Variants in SCMH1 observed in about 807,000 individuals in gnomAD.
SCMH1 encodes polycomb protein SCMH1.
SCMH1 carries 37 observed loss-of-function variants against 70.8 expected under a neutral mutation model. That is an observed-to-expected ratio of 0.52 (90% CI 0.40 to 0.69). SCMH1 has a LOEUF of 0.69. Ranked by LOEUF, SCMH1 falls within the 30% of genes least tolerant of loss-of-function variation. The pLI, the probability that SCMH1 is intolerant of heterozygous loss-of-function variation, is 0.00. For synonymous variants in SCMH1, 292 were observed against 307.4 expected (o/e 0.95, Z 0.52); for missense variants, 607 against 827.3 (o/e 0.73, Z 3.27).
intron 2 of SCMH1, among the ~76,000 whole-genome samples, chr1:41,181,726 T>C (rs573282858): frequency 5.9e-5 from 9 of 152,162 alleles, no homozygotes; most frequent in East Asian, 1.9e-4. Context: ...TGTGGAGAAA[T>C]AGGAACACTT....
At chr1:41,224,905 G>A (rs1397331021) in intron 1 of SCMH1, among the ~76,000 whole-genome samples, 1 of 152,090 alleles carries the variant, frequency 6.6e-6, no homozygotes, top group Non-Finnish European at 1.5e-5. Context: ...ACTTATAAAG[G>A]TCACACAGCT....
At chr1:41,183,483 T>G (rs1333022224) in intron 2 of SCMH1, among the ~76,000 whole-genome samples, 1 of 152,192 alleles carries the variant, frequency 6.6e-6, no homozygotes, top group African/African-American at 2.4e-5. Context: ...GGGAAATTCC[T>G]ATTTATTCCT....
intron 12 of SCMH1, among the ~76,000 whole-genome samples, chr1:41,038,462 G>C (rs535891501): frequency 6.6e-6 from 1 of 152,278 alleles, no homozygotes; most frequent in Admixed American, 6.5e-5. Context: ...AAGACATCAA[G>C]TGTTTAGGTA....
chr1:41,148,067 T>C (rs1044906173), intron 5 of SCMH1, among the ~76,000 whole-genome samples: 1 of 152,212 alleles, frequency 6.6e-6, no homozygotes, highest in Non-Finnish European at 1.5e-5. Context: ...TTTCCCATTA[T>C]TCTAGTGGTT....
At chr1:41,235,986 C>A (rs1004177320) in intron 1 of SCMH1, among the ~76,000 whole-genome samples, 2 of 152,086 alleles carry the variant, frequency 1.3e-5, no homozygotes, top group African/African-American at 4.8e-5. Flanking sequence ...TATTTTCATT[C>A]TTTTACTGAC....
At chr1:41,161,653 G>T (rs1431647019) in intron 2 of SCMH1, 1 of 167,330 alleles carries the variant, frequency 6.0e-6, no homozygotes, top group Non-Finnish European at 1.2e-5. Flanking sequence ...CAAAATAGAA[G>T]ACTGATTAAG....
At chr1:41,038,070 G>A (rs1021077143) in intron 12 of SCMH1, 4 of 152,848 alleles carry the variant, frequency 2.6e-5, no homozygotes, top group Non-Finnish European at 5.8e-5. Context: ...AGCTGGGGTT[G>A]ATGAGCGGTG....
At chr1:41,126,135 G>T (rs1381653427) in intron 6 of SCMH1, among the ~76,000 whole-genome samples, 1 of 151,954 alleles carries the variant, frequency 6.6e-6, no homozygotes, top group African/African-American at 2.4e-5. Context: ...TTATTCATTT[G>T]CTCTATTTTC....
chr1:41,127,199 T>TA (rs774143963), intron 6 of SCMH1, among the ~76,000 whole-genome samples: 182 of 152,336 alleles, frequency 1.2e-3, no homozygotes, highest in Non-Finnish European at 9.3e-4. Flanking sequence ...CTATAGGTTT[T>TA]AGTCTTAAAA....
intron 1 of SCMH1, among the ~76,000 whole-genome samples, chr1:41,198,716 C>T (rs1653613311): frequency 6.6e-6 from 1 of 152,140 alleles, no homozygotes; most frequent in South Asian, 2.1e-4. Context: ...AATTGGATTG[C>T]ATTAAAAGTG....
chr1:41,214,770 A>C (rs1657748047), intron 1 of SCMH1, among the ~76,000 whole-genome samples: 1 of 152,082 alleles, frequency 6.6e-6, no homozygotes, highest in African/African-American at 2.4e-5. Flanking sequence ...TCTCCAATTG[A>C]GGGTCTGACA....
intron 4 of SCMH1, among the ~76,000 whole-genome samples, chr1:41,154,951 C>T (rs1186936279): frequency 6.6e-6 from 1 of 152,080 alleles, no homozygotes; most frequent in Non-Finnish European, 1.5e-5. Flanking sequence ...ACAACTAACA[C>T]ATAAACAATA....
At chr1:41,171,670 G>A (rs1646792559) in intron 2 of SCMH1, among the ~76,000 whole-genome samples, 1 of 152,016 alleles carries the variant, frequency 6.6e-6, no homozygotes, top group Non-Finnish European at 1.5e-5. Flanking sequence ...CCAAATTTAA[G>A]AGAACTGAAA....
intron 13 of SCMH1, among the ~76,000 whole-genome samples, chr1:41,034,596 G>A (rs1645034250): frequency 6.6e-6 from 1 of 151,976 alleles, no homozygotes; most frequent in Non-Finnish European, 1.5e-5. Flanking sequence ...CAAAGTGCTG[G>A]GATTACAGGC....
chr1:41,135,663 C>T (rs755734963), intron 6 of SCMH1, among the ~76,000 whole-genome samples: 6 of 152,156 alleles, frequency 3.9e-5, no homozygotes, highest in Non-Finnish European at 5.9e-5. Context: ...TAATACAAGG[C>T]CTTTTAAGTT....
At chr1:41,077,828 A>G (rs1015017016) in intron 8 of SCMH1, among the ~76,000 whole-genome samples, 8 of 152,222 alleles carry the variant, frequency 5.3e-5, no homozygotes, top group Non-Finnish European at 1.0e-4. Context: ...TGGAGCCTCA[A>G]TAGTTCTTTT....
chr1:41,180,343 T>C (rs1430142144), intron 2 of SCMH1, among the ~76,000 whole-genome samples: 2 of 152,096 alleles, frequency 1.3e-5, no homozygotes, highest in East Asian at 1.9e-4. Context: ...CTATTCAACA[T>C]AGTGTTGGAA....
chr1:41,065,731 C>T (rs775041532), intron 10 of SCMH1, among the ~76,000 whole-genome samples: 1 of 152,022 alleles, frequency 6.6e-6, no homozygotes, highest in Non-Finnish European at 1.5e-5. Flanking sequence ...GTCTTTTCAA[C>T]AAATGGTTCT....
chr1:41,083,544 T>C (rs1660686649), intron 8 of SCMH1, among the ~76,000 whole-genome samples: 2 of 152,152 alleles, frequency 1.3e-5, no homozygotes, highest in South Asian at 4.1e-4. Context: ...AAAATGGCCA[T>C]ACTGCCCAAG....
Sources: allele counts gnomAD v4.1 joint callset (sites outside exome capture counted in the v4.1 genomes callset), GRCh38; gene constraint gnomAD v4.1.1; transcripts MANE v1.5; gene names NCBI Gene and HGNC (gene_info 2026-07-23, HGNC 2026-07-21).